Variants in OSBP2 observed in about 807,000 individuals in gnomAD.
OSBP2 encodes the protein oxysterol binding protein 2, also known as oxysterol-binding protein 2.
In OSBP2, 66 loss-of-function variants were observed where a neutral mutation model predicts 96.0. That is an observed-to-expected ratio of 0.69 (90% CI 0.56 to 0.84). OSBP2 has a LOEUF of 0.84. OSBP2 is among the 40% of genes least tolerant of loss of function. OSBP2 has a pLI of 0.00. For missense variants in OSBP2, 1,038 were observed against 1,222.7 expected (o/e 0.85, Z 2.25); for synonymous variants, 525 against 520.9 (o/e 1.01, Z -0.11).
At chr22:30,899,175 G>A (rs1031974067) in intron 12 of OSBP2, among the ~76,000 whole-genome samples, 1 of 151,912 alleles carries the variant, frequency 6.6e-6, no homozygotes, top group African/African-American at 2.4e-5. Flanking sequence ...AAGCCCATGA[G>A]TTCAAGACCA....
chr22:30,889,095 T>G (rs917925873), intron 5 of OSBP2, 82 bp from the exon 6 acceptor site: 2 of 1,192,322 alleles, frequency 1.7e-6, no homozygotes, highest in African/African-American at 1.5e-5. Context: ...ATGAAAATGA[T>G]GTTGTCTGGA....
At chr22:30,779,108 A>G (rs1031106040) in intron 2 of OSBP2, among the ~76,000 whole-genome samples, 5 of 150,424 alleles carry the variant, frequency 3.3e-5, no homozygotes, top group Admixed American at 6.6e-5. Context: ...TAGATACAGA[A>G]TTTCGCTTTT....
rs2038544242 is a variant in OSBP2 at position 30,832,446 on chromosome 22, A to C, written c.854-37983A>C. On this transcript the variant is annotated intron_variant, in intron 2 of 13. Transcript: ENST00000332585. Reference sequence around the variant, plus strand: ...GCTGGGACTACAGGCATGTGCCACCACACCTGGCTAATTTTTTTTTTTCCT... The same window carrying C: ...GCTGGGACTACAGGCATGTGCCACCCCACCTGGCTAATTTTTTTTTTTCCT... Among the ~76,000 whole-genome samples the C allele has an allele frequency of 2.0e-5, 3 of 151,058 alleles. No homozygotes were observed. In the South Asian group the frequency reaches 6.3e-4, roughly 32 times the overall value.
At chr22:30,831,157 T>G (rs1569141909) in intron 2 of OSBP2, among the ~76,000 whole-genome samples, 1 of 152,194 alleles carries the variant, frequency 6.6e-6, no homozygotes, top group Non-Finnish European at 1.5e-5. Flanking sequence ...CCCATCACCC[T>G]TGGCAAGAAC....
intron 2 of OSBP2, among the ~76,000 whole-genome samples, chr22:30,800,908 GTGTC>G (rs1035332560): frequency 1.3e-5 from 2 of 152,160 alleles, no homozygotes; most frequent in Non-Finnish European, 2.9e-5. Context: ...TGGTGTGTGT[GTGTC>G]TGTCTGTCTC....
At chr22:30,754,897 T>C (rs1602219959) in intron 2 of OSBP2, among the ~76,000 whole-genome samples, 1 of 152,324 alleles carries the variant, frequency 6.6e-6, no homozygotes, top group East Asian at 1.9e-4. Flanking sequence ...AGCTTTCTGC[T>C]GACTACATCT....
chr22:30,860,510 C>T (rs1428272569), intron 2 of OSBP2, among the ~76,000 whole-genome samples: 2 of 152,212 alleles, frequency 1.3e-5, no homozygotes, highest in South Asian at 2.1e-4. Context: ...CACTTCGCGC[C>T]AGAGGAGGGG....
intron 2 of OSBP2, among the ~76,000 whole-genome samples, chr22:30,792,825 C>A (rs920559910): frequency 6.6e-6 from 1 of 152,178 alleles, no homozygotes; most frequent in Non-Finnish European, 1.5e-5. Context: ...CCCCAGCCAG[C>A]CTAACACTGG....
intron 1 of OSBP2, among the ~76,000 whole-genome samples, chr22:30,739,712 CAG>C (rs748758848): frequency 2.6e-4 from 40 of 152,248 alleles, no homozygotes; most frequent in East Asian, 3.9e-4. Flanking sequence ...TTCATGAAAA[CAG>C]GGGAATTGCA....
chr22:30,816,067 G>A (rs1471233414), intron 2 of OSBP2, among the ~76,000 whole-genome samples: 1 of 152,076 alleles, frequency 6.6e-6, no homozygotes, highest in Non-Finnish European at 1.5e-5. Flanking sequence ...ATGCCAACAA[G>A]TGAACATGTC....
rs1005855194 is a variant in OSBP2, at chr22:30,762,388, A to G, written c.853+21019A>G. On this transcript the variant is annotated intron_variant, in intron 2 of 13. Transcript: ENST00000332585. The stretch of plus-strand genomic sequence containing the variant: ...ACGGTGTAACCCTGTCTCCACTGAA[A>G]ATACAAAAAATTAGCCGGGCGTGGT... 1.8e-4 allele frequency among the ~76,000 whole-genome samples: 28 copies of G among 152,108 alleles called. 1 individual carries two copies. Among genetic ancestry groups the G allele is most frequent in the Admixed American group, 1.8e-3 (27 of 15,284 alleles).
At chr22:30,778,606 G>T (rs2090470962) in intron 2 of OSBP2, among the ~76,000 whole-genome samples, 2 of 152,096 alleles carry the variant, frequency 1.3e-5, no homozygotes, top group African/African-American at 4.8e-5. Flanking sequence ...TTGGGTAGTG[G>T]ATGTGAATGA....
At chr22:30,737,752 GC>G (rs1569103558) in intron 1 of OSBP2, among the ~76,000 whole-genome samples, 1 of 151,090 alleles carries the variant, frequency 6.6e-6, no homozygotes, top group East Asian at 2.0e-4. Context: ...TCGCTCTGTT[GC>G]CCAGGCTGGA....
chr22:30,856,393 T>G (rs112134545), intron 2 of OSBP2, among the ~76,000 whole-genome samples: 1 of 125,672 alleles, frequency 8.0e-6, no homozygotes, highest in South Asian at 2.5e-4. Context: ...TTTTTTTTTT[T>G]TTTTTTTTTT....
chr22:30,717,908 T>C (rs2089489472), intron 1 of OSBP2, among the ~76,000 whole-genome samples: 2 of 152,132 alleles, frequency 1.3e-5, no homozygotes, highest in Non-Finnish European at 2.9e-5. Flanking sequence ...AGCTCACCTG[T>C]CCTCCTGGAT....
chr22:30,897,904 C>T (rs560924245), intron 12 of OSBP2, among the ~76,000 whole-genome samples: 8 of 148,914 alleles, frequency 5.4e-5, no homozygotes, highest in Non-Finnish European at 1.0e-4. Context: ...GAGCTGAGAT[C>T]GTGCCACTGT....
chr22:30,699,706 T>C (rs2089126268), intron 1 of OSBP2, among the ~76,000 whole-genome samples: 4 of 152,192 alleles, frequency 2.6e-5, no homozygotes, highest in Admixed American at 6.5e-5. Flanking sequence ...CCTTTCAATG[T>C]CACTTCCTCA....
chr22:30,898,265 A>G (rs1485070247), intron 12 of OSBP2, among the ~76,000 whole-genome samples: 1 of 152,014 alleles, frequency 6.6e-6, no homozygotes, highest in East Asian at 1.9e-4. Flanking sequence ...AGGTGGGAGG[A>G]TCACTTGAGC....
rs562144908 is a variant in OSBP2, at chr22:30,868,708, C to T, written c.854-1721C>T. ...TCCTGGCTGGATGCTGACCCAAGCC[C>T]CTGTGGCCAGAGGGGGACAGGGTAT... On this transcript the variant is annotated intron_variant, in intron 2 of 13. Transcript: ENST00000332585. 2.6e-5 allele frequency among the ~76,000 whole-genome samples: 4 copies of T among 152,300 alleles called. No individual in the cohort carries two copies. In the East Asian group the frequency reaches 5.8e-4, roughly 22 times the overall value.
Sources: allele counts gnomAD v4.1 joint callset (sites outside exome capture counted in the v4.1 genomes callset), GRCh38; gene constraint gnomAD v4.1.1; transcripts MANE v1.5; gene names NCBI Gene and HGNC (gene_info 2026-07-23, HGNC 2026-07-21).